The following ACP3 variants were observed in gnomAD, a reference collection of about 807,000 sequenced individuals.
ACP3 encodes the protein prostatic acid phosphatase.
A neutral mutation model predicts 45.6 loss-of-function variants in ACP3; 38 were observed. The observed-to-expected ratio is 0.83, with a 90% CI of 0.64 to 1.09. ACP3 has a LOEUF of 1.09. ACP3 is among the 50% of genes least tolerant of loss of function. The pLI, the probability that ACP3 is intolerant of heterozygous loss-of-function variation, is 0.00. For missense variants in ACP3, 466 were observed against 463.2 expected (o/e 1.01, Z -0.05); for synonymous variants, 162 against 164.7 (o/e 0.98, Z 0.13).
At chr3:132,364,299 GA>G (rs1378170107) in intron 10 of ACP3, among the ~76,000 whole-genome samples, 1 of 152,152 alleles carries the variant, frequency 6.6e-6, no homozygotes, top group Non-Finnish European at 1.5e-5. Flanking sequence ...AGTGAGCAGT[GA>G]TTGCACCACT....
At chr3:132,326,703 G>C (rs1937304308) in intron 1 of ACP3, among the ~76,000 whole-genome samples, 1 of 152,188 alleles carries the variant, frequency 6.6e-6, no homozygotes, top group South Asian at 2.1e-4. Context: ...ACTAAAGTCT[G>C]AGACTGTTTT....
At chr3:132,322,598 A>G (rs1441371249) in intron 1 of ACP3, among the ~76,000 whole-genome samples, 2 of 152,190 alleles carry the variant, frequency 1.3e-5, no homozygotes, top group Non-Finnish European at 2.9e-5. Flanking sequence ...AATCACCCCA[A>G]AGTTTTATGA....
intron 5 of ACP3, among the ~76,000 whole-genome samples, chr3:132,340,866 T>C (rs999298720): frequency 2.3e-4 from 35 of 152,298 alleles, no homozygotes; most frequent in African/African-American, 8.2e-4. Flanking sequence ...TTAATTTTCT[T>C]TGTGAACTTC....
chr3:132,324,561 G>A (rs1937262579), intron 1 of ACP3, among the ~76,000 whole-genome samples: 1 of 152,190 alleles, frequency 6.6e-6, no homozygotes, highest in African/African-American at 2.4e-5. Flanking sequence ...AGACGGGGAT[G>A]TAATAATTAA....
downstream of ACP3, among the ~76,000 whole-genome samples, chr3:132,362,245 T>A (rs1938053989): frequency 6.6e-6 from 1 of 152,180 alleles, no homozygotes; most frequent in African/African-American, 2.4e-5. Context: ...GAGGATAACA[T>A]GCCACAAGTA....
In ACP3 at chr3:132,358,073, AAAT is replaced by A. The variant is rs1245916964; in HGVS notation, c.*1198_*1200del. Reference sequence around the variant, plus strand: ...TAAATAAATAAATAAATAAATAAATAAATAAAAACAAAGTTGATTAAGAAAGGA... The same window carrying A: ...TAAATAAATAAATAAATAAATAAATAAAAAACAAAGTTGATTAAGAAAGGA... On this transcript the variant is annotated 3_prime_UTR_variant, in exon 10 of 10. Coordinates refer to ENST00000336375, the MANE Select transcript of ACP3 (RefSeq NM_001099.5). 5.6e-3 allele frequency: 867 copies of A among 154,936 alleles called. 13 individuals carry two copies. Among genetic ancestry groups the A allele is most frequent in the African/African-American group, 0.018 (738 of 41,030 alleles). The allele number at this position is 154,936 out of a possible 1,614,324, so 9.6% of individuals were successfully genotyped here. A position where few individuals can be genotyped will look rare whatever the true frequency, so the allele number is the denominator to read the frequency against.
In ACP3 at chr3:132,352,759, G is replaced by A. The variant is rs1220198352; in HGVS notation, c.904G>A (p.Val302Ile). The A allele has an allele frequency of 6.2e-7, 1 of 1,613,854 alleles. No homozygotes were observed. The highest frequency in any genetic ancestry group is 8.5e-7 in the Non-Finnish European group (1 of 1,179,862). Residue 302 changes from valine (V) to isoleucine (I), a missense_variant, in exon 9 of 10, where the codon GTT (valine) becomes ATT (isoleucine). Val to Ile is a conservative substitution (Grantham distance 29). Coordinates refer to ENST00000336375, the MANE Select transcript of ACP3 (RefSeq NM_001099.5). ...GAGTGGCCTACAGATGGCGCTAGAT[G>A]TTTACAACGGACTCCTTCCTCCCTA... ...TVSGLQMALD[V>I]YNGLLPPYAS...
At chr3:132,365,850 G>A (rs1231790776) in intron 10 of ACP3, among the ~76,000 whole-genome samples, 1 of 152,106 alleles carries the variant, frequency 6.6e-6, no homozygotes, top group African/African-American at 2.4e-5. Flanking sequence ...AATTAGCCAG[G>A]CATTGTAGCG....
intron 2 of ACP3, among the ~76,000 whole-genome samples, chr3:132,329,516 C>T (rs1165331188): frequency 6.6e-6 from 1 of 152,160 alleles, no homozygotes; most frequent in Non-Finnish European, 1.5e-5. Context: ...CTCTTCTCAC[C>T]ATAGCCTACC....
At chr3:132,347,201 C>T (rs1937619800) in intron 7 of ACP3, among the ~76,000 whole-genome samples, 1 of 152,230 alleles carries the variant, frequency 6.6e-6, no homozygotes, top group Non-Finnish European at 1.5e-5. Context: ...AGCTGTCCTG[C>T]TTTCTGGAAA....
At chr3:132,325,432 G>A (rs1937280681) in intron 1 of ACP3, among the ~76,000 whole-genome samples, 1 of 152,138 alleles carries the variant, frequency 6.6e-6, no homozygotes, top group Non-Finnish European at 1.5e-5. Flanking sequence ...CCAGTTCTCT[G>A]CTCTTCAAAA....
chr3:132,327,816 T>C (rs1036161177), intron 1 of ACP3, among the ~76,000 whole-genome samples: 3 of 152,056 alleles, frequency 2.0e-5, no homozygotes, highest in Admixed American at 6.5e-5. Flanking sequence ...GTTATACCAC[T>C]ATTACTGTAA....
At chr3:132,335,243 T>C (rs1269287472) in intron 4 of ACP3, among the ~76,000 whole-genome samples, 1 of 152,172 alleles carries the variant, frequency 6.6e-6, no homozygotes, top group African/African-American at 2.4e-5. Flanking sequence ...ATTACGCACA[T>C]GTGATGAGTG....
At position 132,328,294 on chromosome 3, in the gene ACP3, A is replaced by C. The variant is rs768803310; in HGVS notation, c.148A>C (p.Ile50Leu). 2.5e-6 allele frequency: 4 copies of C among 1,613,956 alleles called. No individual in the cohort carries two copies. Among genetic ancestry groups the C allele is most frequent in the Non-Finnish European group, 3.4e-6 (4 of 1,179,866 alleles). The change falls in exon 2 of 10, where the codon ATT becomes CTT. Residue 50 changes from isoleucine to leucine, a missense_variant. By Grantham distance (5) the Ile-to-Leu change is conservative. Transcript: ENST00000336375. ...GTTTCGGCATGGAGACCGAAGTCCC[A>C]TTGACACCTTTCCCACTGACCCCAT... is the stretch of plus-strand genomic sequence containing the variant. ...LVFRHGDRSP[I>L]DTFPTDPIKE...
At chr3:132,351,366 A>C (rs760073929) in intron 8 of ACP3, among the ~76,000 whole-genome samples, 1 of 152,224 alleles carries the variant, frequency 6.6e-6, no homozygotes, top group South Asian at 2.1e-4. Context: ...TGTATTATAC[A>C]TTCAAATAGC....
At chr3:132,334,641 G>A (rs2107801050) in intron 4 of ACP3, among the ~76,000 whole-genome samples, 1 of 152,262 alleles carries the variant, frequency 6.6e-6, no homozygotes, top group African/African-American at 2.4e-5. Flanking sequence ...GAGGAAGGCA[G>A]CACAAAAACA....
chr3:132,364,147 C>T (rs1301916828), intron 10 of ACP3, among the ~76,000 whole-genome samples: 1 of 152,082 alleles, frequency 6.6e-6, no homozygotes, highest in East Asian at 1.9e-4. Context: ...AGTTTAGGAC[C>T]TGCCTGGGTA....
At chr3:132,329,143 C>T (rs2107797169) in intron 2 of ACP3, among the ~76,000 whole-genome samples, 1 of 152,282 alleles carries the variant, frequency 6.6e-6, no homozygotes, top group South Asian at 2.1e-4. Flanking sequence ...TTGGATGACT[C>T]TTCTGTTTGG....
intron 9 of ACP3, 63 bp downstream of exon 9, chr3:132,352,886 T>C: frequency 8.0e-7 from 1 of 1,252,224 alleles, no homozygotes; most frequent in East Asian, 2.3e-5. Flanking sequence ...TATTATTATT[T>C]TGGGTTAAGG....
Sources: allele counts gnomAD v4.1 joint callset (sites outside exome capture counted in the v4.1 genomes callset), GRCh38; gene constraint gnomAD v4.1.1; transcripts MANE v1.5; gene names NCBI Gene and HGNC (gene_info 2026-07-23, HGNC 2026-07-21).